ADAMTSL1: variants seen among roughly 807,000 people sequenced by gnomAD.
The protein encoded by ADAMTSL1 is ADAMTS-like protein 1.
In ADAMTSL1, 126 loss-of-function variants were observed where a neutral mutation model predicts 201.8. The ratio of observed to expected loss-of-function variants is 0.62; its 90% CI spans 0.54 to 0.72. ADAMTSL1 has a LOEUF of 0.72. Among genes scored for constraint, ADAMTSL1 ranks in the 30% least tolerant of loss-of-function variants. ADAMTSL1 has a pLI of 0.00. For missense variants in ADAMTSL1, 2,679 were observed against 2,277.8 expected, an observed-to-expected ratio of 1.18 and a Z score of -3.59; for synonymous variants, 1,121 against 903.4, an observed-to-expected ratio of 1.24 and a Z score of -4.32.
intron 26 of ADAMTSL1, 78 bp downstream of exon 26, chr9:18,892,674 A>G (rs1319768207): frequency 3.2e-5 from 46 of 1,452,962 alleles, no homozygotes; most frequent in South Asian, 1.5e-4. Context: ...GTGAAATGCT[A>G]TCACTGCCAC....
upstream of ADAMTSL1, among the ~76,000 whole-genome samples, chr9:18,473,518 C>T (rs552699885): frequency 6.6e-6 from 1 of 152,224 alleles, no homozygotes; most frequent in East Asian, 1.9e-4. Flanking sequence ...CACAAAATAA[C>T]TTATGCCACT....
chr9:18,172,432 G>A (rs1433490968), intron 2 of ADAMTSL1, among the ~76,000 whole-genome samples: 1 of 151,994 alleles, frequency 6.6e-6, no homozygotes, highest in Non-Finnish European at 1.5e-5. Flanking sequence ...AACAGAAATA[G>A]CATTTCGTAC....
At chr9:18,200,299 G>T (rs1829385120) in intron 2 of ADAMTSL1, among the ~76,000 whole-genome samples, 1 of 151,846 alleles carries the variant, frequency 6.6e-6, no homozygotes, top group Non-Finnish European at 1.5e-5. Context: ...ACACAAGTCA[G>T]ATAATATAAT....
chr9:18,577,224 G>A (rs1022153478), intron 4 of ADAMTSL1, among the ~76,000 whole-genome samples: 1 of 152,206 alleles, frequency 6.6e-6, no homozygotes, highest in African/African-American at 2.4e-5. Flanking sequence ...GGTGTCTCAT[G>A]CCTGTAATCT....
intron 2 of ADAMTSL1, among the ~76,000 whole-genome samples, chr9:18,206,438 A>T (rs1829651697): frequency 6.6e-6 from 1 of 152,094 alleles, no homozygotes; most frequent in Admixed American, 6.6e-5. Context: ...TCTTTAATGA[A>T]GCTATCAGCA....
At chr9:18,895,632 T>C (rs948585165) in intron 26 of ADAMTSL1, among the ~76,000 whole-genome samples, 9 of 147,370 alleles carry the variant, frequency 6.1e-5, no homozygotes, top group Admixed American at 2.7e-4. Flanking sequence ...AAAGCAGCTA[T>C]GTATATGGAG....
intron 22 of ADAMTSL1, 48 bp from the exon 23 acceptor site, chr9:18,829,795 A>G: frequency 2.5e-6 from 4 of 1,611,028 alleles, no homozygotes; most frequent in Non-Finnish European, 1.7e-6. Flanking sequence ...TTGCCTTGAC[A>G]CAGCCCTGTG....
In ADAMTSL1 at chr9:18,168,196, G is replaced by A. The variant is rs148108976; in HGVS notation, c.207+4215G>A. 6.7e-3 allele frequency among the ~76,000 whole-genome samples: 1,017 copies of A among 151,942 alleles called. 10 individuals carry two copies. The highest frequency in any genetic ancestry group is 8.2e-3 in the Non-Finnish European group (557 of 67,932). On this transcript the variant is annotated intron_variant, in intron 2 of 29. Transcript: ENST00000680146. ...TGTTACATATGTATGCATGTGCCAT[G>A]TTGGTGTGCTGCACCCATTAACTCA...
chr9:18,581,751 C>G (rs111840945), intron 4 of ADAMTSL1, among the ~76,000 whole-genome samples: 22 of 152,280 alleles, frequency 1.4e-4, no homozygotes, highest in African/African-American at 5.3e-4. Flanking sequence ...GATCATAGGT[C>G]CTAAGCATGT....
intron 1 of ADAMTSL1, among the ~76,000 whole-genome samples, chr9:18,149,057 T>C (rs1397320569): frequency 2.6e-5 from 4 of 152,052 alleles, no homozygotes; most frequent in African/African-American, 9.7e-5. Context: ...TGGGAATTTT[T>C]AAGTGGCTTA....
chr9:17,935,932 A>G (rs1826989416), intron 1 of ADAMTSL1, among the ~76,000 whole-genome samples: 1 of 152,122 alleles, frequency 6.6e-6, no homozygotes, highest in Non-Finnish European at 1.5e-5. Context: ...CATGGCTTAT[A>G]AGGCCTGATT....
intron 2 of ADAMTSL1, among the ~76,000 whole-genome samples, chr9:18,344,159 G>A (rs951526182): frequency 6.6e-6 from 1 of 152,044 alleles, no homozygotes; most frequent in Non-Finnish European, 1.5e-5. Context: ...TTTAGGGTTT[G>A]GTTCACCCGA....
intron 2 of ADAMTSL1, among the ~76,000 whole-genome samples, chr9:18,199,222 C>A (rs918998361): frequency 6.6e-6 from 1 of 151,680 alleles, no homozygotes; most frequent in Non-Finnish European, 1.5e-5. Flanking sequence ...AACTAACCTG[C>A]ACAATGTGCA....
intron 15 of ADAMTSL1, chr9:18,723,384 G>A (rs1817667455): frequency 4.8e-6 from 2 of 420,876 alleles, no homozygotes; most frequent in Non-Finnish European, 4.4e-6. Flanking sequence ...GCAGTGCCGA[G>A]GAGTCAGTGC....
intron 2 of ADAMTSL1, among the ~76,000 whole-genome samples, chr9:18,220,922 C>G (rs1198316005): frequency 6.6e-6 from 1 of 151,848 alleles, no homozygotes; most frequent in African/African-American, 2.4e-5. Flanking sequence ...CTACGAGCCT[C>G]TGCCACCAAG....
rs148246634 is a variant in ADAMTSL1, at chr9:18,457,763, A to T, written c.208-47066A>T. On this transcript the variant is annotated intron_variant, in intron 2 of 29. Coordinates refer to the ADAMTSL1 transcript ENST00000680146. The stretch of plus-strand genomic sequence containing the variant: ...CTGAGGAGGAAAGAGGAGTTAGAGA[A>T]AGTGATAATGCTTTTCCTTTCCCCT... Among the ~76,000 whole-genome samples the T allele has an allele frequency of 1.2e-4, 19 of 152,346 alleles. 1 individual carries two copies. In the East Asian group the frequency reaches 1.5e-3, roughly 12 times the overall value.
intron 1 of ADAMTSL1, among the ~76,000 whole-genome samples, chr9:18,502,040 C>G (rs555940371): frequency 1.3e-5 from 2 of 152,308 alleles, no homozygotes; most frequent in South Asian, 2.1e-4. Flanking sequence ...AAAATCACAA[C>G]CATACATTAT....
chr9:18,705,380 C>A (rs1362447683), intron 13 of ADAMTSL1, among the ~76,000 whole-genome samples: 1 of 152,094 alleles, frequency 6.6e-6, no homozygotes, highest in African/African-American at 2.4e-5. Flanking sequence ...TTAGTGGTTG[C>A]TTCTGGGCTT....
At chr9:18,100,445 G>A (rs1824464508) in intron 1 of ADAMTSL1, among the ~76,000 whole-genome samples, 1 of 152,060 alleles carries the variant, frequency 6.6e-6, no homozygotes, top group Non-Finnish European at 1.5e-5. Context: ...CTTGACTTTA[G>A]AGGATGGGCC....
Sources: gnomAD v4.1 joint callset for allele counts (sites outside exome capture counted in the v4.1 genomes callset) on GRCh38, gnomAD v4.1.1 for gene constraint, MANE v1.5 for transcripts, NCBI Gene and HGNC (gene_info 2026-07-23, HGNC 2026-07-21) for gene names.